GPC6: variants seen among roughly 807,000 people sequenced by gnomAD.
The protein encoded by GPC6 is glypican-6.
In GPC6, 14 loss-of-function variants were observed where a neutral mutation model predicts 55.2. The observed-to-expected ratio is 0.25, with a 90% confidence interval of 0.17 to 0.40. GPC6 has a LOEUF of 0.40. Ranked by LOEUF, GPC6 falls within the 10% of genes least tolerant of loss-of-function variation. The probability of loss-of-function intolerance (pLI) is 1.00; values close to 1 mark genes in which losing one functional copy is unlikely to be tolerated. For synonymous variants in GPC6, 278 were observed against 259.6 expected (o/e 1.07, Z -0.68); for missense variants, 641 against 708.5 (o/e 0.90, Z 1.08).
chr13:93,459,850 T>C (rs1878614825), intron 1 of GPC6, among the ~76,000 whole-genome samples: 1 of 152,240 alleles, frequency 6.6e-6, no homozygotes, highest in Admixed American at 6.5e-5. Context: ...CACTGCATTC[T>C]AGGTAAATGG....
At chr13:94,289,801 A>G (rs544324898) in intron 5 of GPC6, among the ~76,000 whole-genome samples, 62 of 152,356 alleles carry the variant, frequency 4.1e-4, no homozygotes, top group African/African-American at 1.5e-3. Context: ...CTAAGTGTTG[A>G]AATATCCCTT....
chr13:94,130,902 T>C (rs1566444372), intron 4 of GPC6, among the ~76,000 whole-genome samples: 1 of 152,152 alleles, frequency 6.6e-6, no homozygotes. Flanking sequence ...ACTTGAGAAA[T>C]AATTTGTTTG....
At chr13:93,489,279 G>T (rs997503152) in intron 1 of GPC6, among the ~76,000 whole-genome samples, 1 of 151,424 alleles carries the variant, frequency 6.6e-6, no homozygotes, top group Non-Finnish European at 1.5e-5. Flanking sequence ...TCAGATGGTT[G>T]TAGATGTGTG....
intron 2 of GPC6, among the ~76,000 whole-genome samples, chr13:93,787,757 A>G (rs190416110): frequency 6.6e-6 from 1 of 152,296 alleles, no homozygotes; most frequent in Admixed American, 6.5e-5. Flanking sequence ...CTTCTGATCT[A>G]TCAAACACCA....
intron 2 of GPC6, among the ~76,000 whole-genome samples, chr13:93,578,795 T>C (rs1396219463): frequency 6.6e-6 from 1 of 152,064 alleles, no homozygotes; most frequent in Non-Finnish European, 1.5e-5. Flanking sequence ...TTTGAAATCT[T>C]TCTACTTTTT....
At chr13:93,260,392 A>G (rs920949422) in intron 1 of GPC6, among the ~76,000 whole-genome samples, 1 of 152,128 alleles carries the variant, frequency 6.6e-6, no homozygotes, top group Non-Finnish European at 1.5e-5. Context: ...TATAAAGAGT[A>G]TATAAATTTG....
intron 1 of GPC6, among the ~76,000 whole-genome samples, chr13:93,280,425 A>G (rs1877911260): frequency 6.6e-6 from 1 of 152,234 alleles, no homozygotes; most frequent in Non-Finnish European, 1.5e-5. Context: ...CAAACTAAGC[A>G]AAGTAAAGAA....
intron 6 of GPC6, among the ~76,000 whole-genome samples, chr13:94,324,322 A>C (rs1193767301): frequency 1.3e-5 from 2 of 151,918 alleles, no homozygotes; most frequent in Non-Finnish European, 2.9e-5. Context: ...AAAAAAAAAA[A>C]AAAAAAAACT....
intron 4 of GPC6, among the ~76,000 whole-genome samples, chr13:94,259,632 T>C (rs533738949): frequency 6.6e-6 from 1 of 152,320 alleles, no homozygotes; most frequent in South Asian, 2.1e-4. Flanking sequence ...AGAAACTCCG[T>C]GCCCATTAAA....
intron 1 of GPC6, among the ~76,000 whole-genome samples, chr13:93,282,230 G>T (rs1003067876): frequency 6.6e-6 from 1 of 152,164 alleles, no homozygotes; most frequent in Non-Finnish European, 1.5e-5. Context: ...GCTTTGTGAA[G>T]TAGAAGGTGA....
chr13:94,016,748 A>C (rs963806465), intron 3 of GPC6, among the ~76,000 whole-genome samples: 1 of 152,188 alleles, frequency 6.6e-6, no homozygotes, highest in Non-Finnish European at 1.5e-5. Flanking sequence ...AATTTCCTTC[A>C]GCAATGTTCT....
intron 6 of GPC6, among the ~76,000 whole-genome samples, chr13:94,369,135 C>T (rs1351505924): frequency 6.6e-6 from 1 of 151,888 alleles, no homozygotes; most frequent in Non-Finnish European, 1.5e-5. Context: ...TCATATTTTT[C>T]TAAAGATATG....
the GPC6 span, among the ~76,000 whole-genome samples, chr13:93,220,341 C>A: frequency 6.6e-6 from 1 of 152,146 alleles, no homozygotes; most frequent in Non-Finnish European, 1.5e-5. Flanking sequence ...AGCCAAACAA[C>A]CAGAATAATG....
chr13:94,272,463 C>CTTTTTTTT (rs555664508), intron 4 of GPC6, among the ~76,000 whole-genome samples: 21 of 85,740 alleles, frequency 2.4e-4, no homozygotes, highest in African/African-American at 3.9e-4. Flanking sequence ...CTTTTCTTTT[C>CTTTTTTTT]TTTTTTTTTT....
chr13:93,609,254 G>A (rs867129587), intron 2 of GPC6, among the ~76,000 whole-genome samples: 12 of 151,932 alleles, frequency 7.9e-5, no homozygotes, highest in African/African-American at 2.4e-4. Context: ...TTGTTCTGTC[G>A]CACAGGCTGG....
At chr13:94,366,242 A>C (rs1305649334) in intron 6 of GPC6, among the ~76,000 whole-genome samples, 2 of 152,230 alleles carry the variant, frequency 1.3e-5, no homozygotes, top group Admixed American at 6.5e-5. Flanking sequence ...CTAAATGTTC[A>C]AACATTAAAC....
At chr13:93,419,478 A>G (rs1241633870) in intron 1 of GPC6, among the ~76,000 whole-genome samples, 1 of 152,152 alleles carries the variant, frequency 6.6e-6, no homozygotes, top group East Asian at 1.9e-4. Context: ...TTTGGAAACC[A>G]TTTAGAAATG....
At chr13:93,218,907 G>T in the GPC6 span, among the ~76,000 whole-genome samples, 2 of 152,028 alleles carry the variant, frequency 1.3e-5, no homozygotes, top group African/African-American at 4.8e-5. Flanking sequence ...CTTTTAAATG[G>T]CCTAATAGAT....
chr13:93,279,103 T>A (rs1877861198), intron 1 of GPC6, among the ~76,000 whole-genome samples: 1 of 152,212 alleles, frequency 6.6e-6, no homozygotes, highest in African/African-American at 2.4e-5. Flanking sequence ...GAAACCATGC[T>A]TTTACTCTTG....
Sources: allele counts gnomAD v4.1 joint callset (sites outside exome capture counted in the v4.1 genomes callset), GRCh38; gene constraint gnomAD v4.1.1; transcripts MANE v1.5; gene names NCBI Gene and HGNC (gene_info 2026-07-23, HGNC 2026-07-21).